The following NUMA1 variants were observed in gnomAD, a reference collection of about 807,000 sequenced individuals.
NUMA1 encodes the protein nuclear mitotic apparatus protein 1.
NUMA1 carries 62 observed loss-of-function variants against 237.1 expected under a neutral mutation model. The observed-to-expected ratio is 0.26, with a 90% confidence interval of 0.21 to 0.32. The LOEUF is 0.32. NUMA1 is among the 10% of genes least tolerant of loss of function. The probability of loss-of-function intolerance (pLI) is 1.00; values close to 1 mark genes in which losing one functional copy is unlikely to be tolerated. For missense variants in NUMA1, 2,533 were observed against 2,666.5 expected (o/e 0.95, Z 1.10); for synonymous variants, 1,028 against 1,066.1 (o/e 0.96, Z 0.70).
chr11:72,005,944 G>T, intron 22 of NUMA1, 91 bp downstream of exon 22: 2 of 1,129,112 alleles, frequency 1.8e-6, no homozygotes, highest in Non-Finnish European at 1.3e-6. Flanking sequence ...GGCCAGCCTT[G>T]GATTTTTAAA....
chr11:72,048,821 C>G (rs1942150801), intron 2 of NUMA1, among the ~76,000 whole-genome samples: 1 of 152,082 alleles, frequency 6.6e-6, no homozygotes, highest in African/African-American at 2.4e-5. Context: ...AAGTCTTGTA[C>G]TAGGAGGGAT....
At chr11:72,003,798 C>T in intron 26 of NUMA1, 89 bp downstream of exon 26, 2 of 1,379,824 alleles carry the variant, frequency 1.4e-6, no homozygotes, top group Non-Finnish European at 2.0e-6. Flanking sequence ...CCTGGCGTGG[C>T]CCCATCTTGG....
chr11:72,016,177 C>A lies in NUMA1; in HGVS notation c.1326G>T (p.Glu442Asp). Residue 442 changes from glutamate to aspartate, a missense_variant, in exon 15 of 27, where the codon GAG (glutamate) becomes GAT (aspartate). Glu to Asp is a conservative substitution (Grantham distance 45). Transcript: ENST00000393695. ...GCAGCTTGGCTTCCTGCTGGCCTCG[C>A]TCAGTCTCCAGCATCTCTACCCTGG... The part of the protein sequence containing the change: ...LQARVEMLET[E>D]RGQQEAKLLA... The A allele has an allele frequency of 6.2e-7, 1 of 1,613,744 alleles. No homozygotes were observed. The highest frequency in any genetic ancestry group is 2.2e-5 in the East Asian group (1 of 44,884).
intron 26 of NUMA1, 142 bp from the exon 27 acceptor site, chr11:72,003,680 T>G (rs1590843788): frequency 2.6e-6 from 3 of 1,160,362 alleles, no homozygotes; most frequent in South Asian, 2.6e-5. Context: ...TTGCTGGCTG[T>G]GCCTGAGCAG....
At position 72,004,263 on chromosome 11, in the gene NUMA1, C is replaced by G; in HGVS notation, c.6085G>C (p.Glu2029Gln). The change falls in exon 25 of 27, where the codon GAG becomes CAG. Residue 2029 changes from glutamate (E) to glutamine (Q), a missense_variant. Glu to Gln is a conservative substitution (Grantham distance 29). Transcript: ENST00000393695. ...RHEGRKQSTT[E>Q]AQKKAAPAST... The stretch of plus-strand genomic sequence containing the variant: ...GCTGGAGCTGCTTTCTTCTGGGCCT[C>G]AGTAGTGCTCTGTTTGCGCCCTTCA... The G allele has an allele frequency of 6.2e-7, 1 of 1,613,062 alleles. No individual in the cohort carries two copies. Among genetic ancestry groups the G allele is most frequent in the South Asian group, 1.1e-5 (1 of 91,012 alleles).
chr11:72,018,934 T>G lies in NUMA1; in HGVS notation c.631A>C (p.Thr211Pro), dbSNP rs1217430654. The change falls in exon 10 of 27, where the codon ACC becomes CCC. Residue 211 changes from threonine (T) to proline (P), a missense_variant. Thr to Pro is a conservative substitution (Grantham distance 38). Coordinates refer to ENST00000393695, the MANE Select transcript of NUMA1 (RefSeq NM_006185.4). ...AGCCGTCTCATCTGGAACTGTGGGG[T>G]CTGCAGGATATCACCCATGGGAGAA... Reference protein sequence around the residue: ...PASPMGDILQTPQFQMRRLKK... With the variant: ...PASPMGDILQPPQFQMRRLKK... The G allele has an allele frequency of 2.5e-6, 4 of 1,613,610 alleles. No homozygotes were observed. Among genetic ancestry groups the G allele is most frequent in the Non-Finnish European group, 3.4e-6 (4 of 1,179,944 alleles).
intron 4 of NUMA1, among the ~76,000 whole-genome samples, chr11:72,028,708 T>C (rs1042369999): frequency 3.9e-5 from 6 of 152,210 alleles, no homozygotes; most frequent in African/African-American, 1.4e-4. Context: ...GTACTTATTT[T>C]ATAATGGCTT....
At position 72,004,144 on chromosome 11, in the gene NUMA1, C is replaced by T. The variant is rs751273255; in HGVS notation, c.6124-45G>A. On this transcript the variant is annotated intron_variant, in intron 25 of 26. Coordinates refer to ENST00000393695, the MANE Select transcript of NUMA1 (RefSeq NM_006185.4). Reference sequence around the variant, plus strand: ...GACCGGGAGACCCAATGCTGCCTTCCCAGGCCAGCGTGCTGTGCCACGCTC... The same window carrying T: ...GACCGGGAGACCCAATGCTGCCTTCTCAGGCCAGCGTGCTGTGCCACGCTC... The T allele has an allele frequency of 2.5e-6, 4 of 1,610,756 alleles. No homozygotes were observed. The East Asian group carries it at 8.9e-5, about 36-fold the overall frequency.
At position 72,009,146 on chromosome 11, in the gene NUMA1, G is replaced by T. The variant is rs751625166; in HGVS notation, c.4879C>A (p.Gln1627Lys). 6.8e-7 allele frequency: 1 copy of T among 1,463,618 alleles called. No individual in the cohort carries two copies. Among genetic ancestry groups the T allele is most frequent in the South Asian group, 1.1e-5 (1 of 89,032 alleles). 90.7% of individuals were successfully genotyped at this position (1,463,618 alleles called of 1,614,324 possible). Residue 1627 changes from glutamine to lysine, a missense_variant, in exon 19 of 27, where the codon CAG becomes AAG. Transcript: ENST00000393695. ...AGCTGCTCCTGCAGCTCTTGGTTCT[G>T]CTGCTTCTTGGCATCATAATGTGTT... The part of the protein sequence containing the change: ...AKTHYDAKKQ[Q>K]NQELQEQLRS...
intron 2 of NUMA1, among the ~76,000 whole-genome samples, chr11:72,064,417 G>A (rs956325615): frequency 6.6e-6 from 1 of 151,986 alleles, no homozygotes; most frequent in African/African-American, 2.4e-5. Context: ...AGCTAGGATT[G>A]CAACTGTACC....
In NUMA1 at chr11:72,012,400, CCTG is replaced by C; in HGVS notation, c.4648_4650del (p.Gln1550del). The stretch of plus-strand genomic sequence containing the variant: ...CATTTAGCGAGGACCTCAGGCATTA[CCTG>C]CTTAGTTTGCTCTCTCTGAAATACC... On this transcript the variant is annotated inframe_deletion and splice_region_variant, in exon 16 of 27. Coordinates refer to ENST00000393695, the MANE Select transcript of NUMA1 (RefSeq NM_006185.4). 1.9e-6 allele frequency: 3 copies of C among 1,612,872 alleles called. No individual in the cohort carries two copies. Among genetic ancestry groups the C allele is most frequent in the Non-Finnish European group, 2.5e-6 (3 of 1,179,390 alleles).
Position 72,014,496 on chromosome 11 carries a change from C to G in NUMA1, c.3007G>C (p.Glu1003Gln), listed in dbSNP as rs991328708. 19 of 1,602,008 alleles carry G rather than the reference C, an allele frequency of 1.2e-5. No individual in the cohort carries two copies. Among genetic ancestry groups the G allele is most frequent in the African/African-American group, 2.7e-5 (2 of 74,946 alleles). ...GQQQEERGQQ[E>Q]REVARLTQER... is the part of the protein sequence containing the mutation. ...TGGGTCAGCCGCGCCACCTCCCTTTCCTGCTGCCCACGCTCCTCCTGCTGC... is the reference window on the plus strand; with the variant it reads ...TGGGTCAGCCGCGCCACCTCCCTTTGCTGCTGCCCACGCTCCTCCTGCTGC... Residue 1003 changes from glutamate to glutamine, a missense_variant, in exon 15 of 27, where the codon GAA (glutamate) becomes CAA (glutamine). Glu to Gln is a conservative substitution (Grantham distance 29, BLOSUM62 2). This residue lies in a region of NUMA1 where 1,414 missense variants were observed against 1,508.1 expected (regional missense o/e 0.94). Coordinates refer to ENST00000393695, the MANE Select transcript of NUMA1 (RefSeq NM_006185.4). The surrounding 1 kb of genome is among the most constrained non-coding windows in gnomAD (Gnocchi z 4.6).
intron 1 of NUMA1, among the ~76,000 whole-genome samples, chr11:72,075,939 G>A (rs777709233): frequency 3.3e-5 from 5 of 152,128 alleles, no homozygotes; most frequent in Admixed American, 3.3e-4. Context: ...GTCCACAAAA[G>A]GCACTGAGAT....
intron 21 of NUMA1, 40 bp downstream of exon 21, chr11:72,007,149 G>T: frequency 6.3e-7 from 1 of 1,597,610 alleles, no homozygotes; most frequent in South Asian, 1.1e-5. Context: ...GAGAGGAAGT[G>T]GGAATTGCTG....
intron 2 of NUMA1, among the ~76,000 whole-genome samples, chr11:72,042,683 T>C (rs932494049): frequency 1.3e-5 from 2 of 152,170 alleles, no homozygotes; most frequent in Non-Finnish European, 2.9e-5. Flanking sequence ...AGTTTGTTTG[T>C]TATTAACACA....
At chr11:72,008,163 A>C (rs1283320798) in intron 20 of NUMA1, 1 of 476,438 alleles carries the variant, frequency 2.1e-6, no homozygotes, top group East Asian at 5.3e-5. Flanking sequence ...AAAATAAGTA[A>C]ATGTAAGTGT....
rs764673754 is a variant in NUMA1, at chr11:72,012,974, G to A, written c.4529C>T (p.Ala1510Val). 14 of 1,613,960 alleles carry A rather than the reference G, an allele frequency of 8.7e-6. No homozygotes were observed. Among genetic ancestry groups the A allele is most frequent in the East Asian group, 2.2e-5 (1 of 44,866 alleles). The change falls in exon 15 of 27, where the codon GCC becomes GTC. Residue 1510 changes from alanine to valine, a missense_variant. This residue lies in a region of NUMA1 where 324 missense variants were observed against 407.6 expected (regional missense o/e 0.79). Coordinates refer to ENST00000393695, the MANE Select transcript of NUMA1 (RefSeq NM_006185.4). The stretch of plus-strand genomic sequence containing the variant: ...CTTGACCTTGGCACCCTCATACTTG[G>A]CAGTCATCACCTCCAGCTCCCGGGC... ...STARELEVMT[A>V]KYEGAKVKVL...
intron 2 of NUMA1, among the ~76,000 whole-genome samples, chr11:72,063,935 A>G (rs1943084001): frequency 6.6e-6 from 1 of 151,492 alleles, no homozygotes; most frequent in African/African-American, 2.4e-5. Context: ...AAAAAAAAAA[A>G]AAAGAAACAA....
At chr11:72,009,462 G>A in intron 17 of NUMA1, 75 bp from the exon 18 acceptor site, 4 of 1,506,528 alleles carry the variant, frequency 2.7e-6, no homozygotes, top group South Asian at 2.6e-5. Flanking sequence ...CAGCCACTGG[G>A]GCTCCACAGG....
Sources: gnomAD v4.1 joint callset for allele counts (sites outside exome capture counted in the v4.1 genomes callset) on GRCh38, gnomAD v4.1.1 for gene constraint, gnomAD v4.1.1 regional missense constraint, Gnocchi (gnomAD v3.1) non-coding constraint, MANE v1.5 for transcripts, NCBI Gene and HGNC (gene_info 2026-07-23, HGNC 2026-07-21) for gene names.